Variants in ZBTB7C observed in about 807,000 individuals in gnomAD.
The protein encoded by ZBTB7C is zinc finger and BTB domain containing 7C.
ZBTB7C carries 8 observed loss-of-function variants against 25.7 expected under a neutral mutation model. The ratio of observed to expected loss-of-function variants is 0.31; its 90% CI spans 0.18 to 0.56. The LOEUF (loss-of-function observed/expected upper bound fraction) is 0.56, where lower values mean the gene tolerates loss of function less well. Among genes scored for constraint, ZBTB7C ranks in the 20% least tolerant of loss-of-function variants. The pLI is 0.91. For missense variants in ZBTB7C, 824 were observed against 855.2 expected, an observed-to-expected ratio of 0.96 and a Z score of 0.46; for synonymous variants, 394 against 369.0, an observed-to-expected ratio of 1.07 and a Z score of -0.78.
intron 3 of ZBTB7C, among the ~76,000 whole-genome samples, chr18:48,072,100 TACC>T (rs1431129443): frequency 6.6e-6 from 1 of 152,230 alleles, no homozygotes; most frequent in African/African-American, 2.4e-5. Context: ...CGTATAATTT[TACC>T]ACAAGTGAAT....
chr18:48,320,813 T>G (rs914800724), intron 2 of ZBTB7C, among the ~76,000 whole-genome samples: 1 of 152,142 alleles, frequency 6.6e-6, no homozygotes, highest in African/African-American at 2.4e-5. Flanking sequence ...TGATTCCACA[T>G]GCTCTTTCCC....
chr18:48,318,539 A>T (rs1598859363), intron 2 of ZBTB7C, among the ~76,000 whole-genome samples: 1 of 152,312 alleles, frequency 6.6e-6, no homozygotes, highest in African/African-American at 2.4e-5. Context: ...GGAGGGTCGC[A>T]TCTGCGGCCC....
At chr18:48,325,013 T>A (rs759594886) in intron 2 of ZBTB7C, among the ~76,000 whole-genome samples, 7 of 152,210 alleles carry the variant, frequency 4.6e-5, no homozygotes, top group Admixed American at 6.5e-5. Flanking sequence ...CAGAGTCAGT[T>A]CCCAGGGCTG....
intron 3 of ZBTB7C, among the ~76,000 whole-genome samples, chr18:48,091,924 C>A (rs2038432380): frequency 6.6e-6 from 1 of 152,210 alleles, no homozygotes. Context: ...CTTCTCTTCA[C>A]ACCCAACTCC....
At chr18:48,372,654 G>A (rs1331460456) in intron 1 of ZBTB7C, among the ~76,000 whole-genome samples, 1 of 152,116 alleles carries the variant, frequency 6.6e-6, no homozygotes, top group Non-Finnish European at 1.5e-5. Flanking sequence ...GATATGACAA[G>A]TGCCAAACTC....
At chr18:48,173,247 T>C (rs989403833) in intron 3 of ZBTB7C, among the ~76,000 whole-genome samples, 2 of 152,208 alleles carry the variant, frequency 1.3e-5, no homozygotes, top group African/African-American at 4.8e-5. Flanking sequence ...TGATTAAGCA[T>C]CCACTCCACA....
intron 3 of ZBTB7C, among the ~76,000 whole-genome samples, chr18:48,092,726 T>G (rs1382165408): frequency 6.6e-6 from 1 of 152,228 alleles, no homozygotes; most frequent in Non-Finnish European, 1.5e-5. Flanking sequence ...ATGAAAGGCC[T>G]TGACCCACCT....
At chr18:48,339,347 G>A (rs995859089) in intron 1 of ZBTB7C, among the ~76,000 whole-genome samples, 2 of 152,218 alleles carry the variant, frequency 1.3e-5, no homozygotes, top group Non-Finnish European at 2.9e-5. Flanking sequence ...AACATCCATC[G>A]GGACACCCAG....
At chr18:48,320,354 A>T (rs1173962657) in intron 2 of ZBTB7C, among the ~76,000 whole-genome samples, 1 of 152,164 alleles carries the variant, frequency 6.6e-6, no homozygotes, top group Non-Finnish European at 1.5e-5. Context: ...CTTGGCATTG[A>T]CTGAGTGACA....
chr18:48,392,497 T>C (rs2047925494), intron 1 of ZBTB7C, among the ~76,000 whole-genome samples: 1 of 152,212 alleles, frequency 6.6e-6, no homozygotes. Context: ...TCAAGATTGC[T>C]GCTTACTGGA....
intron 2 of ZBTB7C, among the ~76,000 whole-genome samples, chr18:48,193,054 G>T (rs986940439): frequency 6.6e-6 from 1 of 152,174 alleles, no homozygotes; most frequent in Admixed American, 6.5e-5. Context: ...CAGGCCCCAC[G>T]CTGGGGACTT....
rs1358740780 is a variant in ZBTB7C, at chr18:48,292,843, A to C, written c.-79+45331T>G. 1.3e-5 allele frequency among the ~76,000 whole-genome samples: 2 copies of C among 152,232 alleles called. 1 individual carries two copies. Among genetic ancestry groups the C allele is most frequent in the Admixed American group, 1.3e-4 (2 of 15,282 alleles). ...AGAAAGCTCCTTCATGCTCTCACCC[A>C]TTGAGCCCAGCTCCCAGCATAAAGC... On this transcript the variant is annotated intron_variant, in intron 2 of 4. Transcript: ENST00000590800.
intron 2 of ZBTB7C, among the ~76,000 whole-genome samples, chr18:48,197,526 AGC>A (rs2042345427): frequency 6.6e-6 from 1 of 152,222 alleles, no homozygotes; most frequent in African/African-American, 2.4e-5. Context: ...TGTATTGGTC[AGC>A]TAGGGCTGCT....
At chr18:48,316,548 C>T (rs560635886) in intron 2 of ZBTB7C, among the ~76,000 whole-genome samples, 1 of 152,360 alleles carries the variant, frequency 6.6e-6, no homozygotes, top group South Asian at 2.1e-4. Context: ...TCATGAATGG[C>T]TTGGTGCCAT....
At position 48,187,630 on chromosome 18, in the gene ZBTB7C, G is replaced by A. The variant is rs557087172; in HGVS notation, c.-78-1635C>T. ...AGATCGAGACCATCCTGGCTAACAC[G>A]GTGAAACCCCGTCTCTACTAAAAAT... On this transcript the variant is annotated intron_variant, in intron 2 of 4. Coordinates refer to ENST00000590800, the MANE Select transcript of ZBTB7C (RefSeq NM_001318841.2). 8.5e-5 allele frequency among the ~76,000 whole-genome samples: 13 copies of A among 152,100 alleles called. No homozygotes were observed. In the South Asian group the frequency reaches 1.0e-3, roughly 12 times the overall value.
intron 2 of ZBTB7C, among the ~76,000 whole-genome samples, chr18:48,314,041 C>T (rs1196015447): frequency 6.6e-6 from 1 of 152,152 alleles, no homozygotes; most frequent in Non-Finnish European, 1.5e-5. Flanking sequence ...GAACCAGAGG[C>T]CAGCACCGTG....
intron 2 of ZBTB7C, among the ~76,000 whole-genome samples, chr18:48,258,936 T>C (rs1250902433): frequency 6.6e-6 from 1 of 151,626 alleles, no homozygotes; most frequent in Non-Finnish European, 1.5e-5. Context: ...GGATTACAGG[T>C]GTGAGCCACT....
chr18:48,207,066 C>T (rs1289895808), intron 2 of ZBTB7C, among the ~76,000 whole-genome samples: 3 of 152,162 alleles, frequency 2.0e-5, no homozygotes, highest in East Asian at 1.9e-4. Context: ...AAGAGGATAT[C>T]GAAATGGTGA....
At chr18:48,096,489 C>G (rs1218398146) in intron 3 of ZBTB7C, among the ~76,000 whole-genome samples, 1 of 152,132 alleles carries the variant, frequency 6.6e-6, no homozygotes, top group Non-Finnish European at 1.5e-5. Flanking sequence ...TTTTTCTTTT[C>G]TTTTAAAATA....
Sources: gnomAD v4.1 joint callset for allele counts (sites outside exome capture counted in the v4.1 genomes callset) on GRCh38, gnomAD v4.1.1 for gene constraint, MANE v1.5 for transcripts, NCBI Gene and HGNC (gene_info 2026-07-23, HGNC 2026-07-21) for gene names.